The following HCN1 variants were observed in gnomAD, a reference collection of about 807,000 sequenced individuals.
HCN1 encodes the protein hyperpolarization activated cyclic nucleotide gated potassium channel 1.
Under a neutral mutation model 78.9 loss-of-function variants are expected in HCN1, and 13 were observed. The ratio of observed to expected loss-of-function variants is 0.16; its 90% CI spans 0.11 to 0.26. The LOEUF (loss-of-function observed/expected upper bound fraction) is 0.26. Among genes scored for constraint, HCN1 ranks in the 10% least tolerant of loss-of-function variants. The pLI, the probability that HCN1 is intolerant of heterozygous loss-of-function variation, is 1.00. For synonymous variants in HCN1, 552 were observed against 455.5 expected (o/e 1.21, Z -2.70); for missense variants, 810 against 1,154.3 (o/e 0.70, Z 4.32).
chr5:45,267,323 C>A, intron 6 of HCN1, 70 bp from the exon 7 acceptor site: 1 of 1,428,450 alleles, frequency 7.0e-7, no homozygotes, highest in African/African-American at 1.4e-5. Context: ...TAAGGCTTCC[C>A]ACAACTTAAA....
intron 3 of HCN1, among the ~76,000 whole-genome samples, chr5:45,410,547 TAA>T (rs1176528763): frequency 2.6e-5 from 4 of 152,216 alleles, no homozygotes; most frequent in African/African-American, 9.6e-5. Context: ...AAAGTATTTT[TAA>T]AAGTCATATT....
intron 6 of HCN1, among the ~76,000 whole-genome samples, chr5:45,269,487 A>G (rs914434207): frequency 4.6e-5 from 7 of 151,972 alleles, no homozygotes; most frequent in Non-Finnish European, 8.8e-5. Context: ...TTGGTAATCT[A>G]TTGATGTCCA....
At chr5:45,290,069 C>T (rs1462412876) in intron 6 of HCN1, among the ~76,000 whole-genome samples, 1 of 151,906 alleles carries the variant, frequency 6.6e-6, no homozygotes, top group Admixed American at 6.6e-5. Context: ...TTTTCCTGCA[C>T]TGTTCTTGTG....
At chr5:45,651,070 T>C (rs1426799183) in intron 1 of HCN1, among the ~76,000 whole-genome samples, 1 of 152,028 alleles carries the variant, frequency 6.6e-6, no homozygotes, top group Non-Finnish European at 1.5e-5. Flanking sequence ...AAATAAATAT[T>C]TGTCATTGAG....
At chr5:45,424,719 T>C (rs1740310798) in intron 3 of HCN1, among the ~76,000 whole-genome samples, 2 of 152,214 alleles carry the variant, frequency 1.3e-5, no homozygotes. Flanking sequence ...GTTGAAAATG[T>C]ATCTAGAATA....
chr5:45,663,130 C>G (rs902488027), intron 1 of HCN1, among the ~76,000 whole-genome samples: 1 of 146,980 alleles, frequency 6.8e-6, no homozygotes, highest in Admixed American at 6.8e-5. Flanking sequence ...TGGAACAGAA[C>G]AGAGCCCTCA....
chr5:45,645,134 T>G (rs1745524989), intron 2 of HCN1, 51 bp downstream of exon 2: 1 of 1,362,470 alleles, frequency 7.3e-7, no homozygotes, highest in Middle Eastern at 1.9e-4. Context: ...AAAACAGCCA[T>G]AATTAACAAT....
rs1444540329 is a variant in HCN1 at position 45,645,446 on chromosome 5, A to G, written c.588T>C (p.Thr196=). 3.1e-6 allele frequency: 5 copies of G among 1,613,630 alleles called. No homozygotes were observed. Among genetic ancestry groups the G allele is most frequent in the Non-Finnish European group, 4.2e-6 (5 of 1,179,768 alleles). Reference sequence around the variant, plus strand: ...CAGAACTGTCTTCATTGACAGTCCCAGTCCTAAAATTCATGATCAGGTCCA... The same window carrying G: ...CAGAACTGTCTTCATTGACAGTCCCGGTCCTAAAATTCATGATCAGGTCCA... ...FLLDLIMNFR[T]GTVNEDSSEI... is the part of the protein sequence containing the mutation. Residue 196 remains threonine, a synonymous_variant, in exon 2 of 8, where the codon ACT becomes ACC. Transcript: ENST00000303230.
At chr5:45,291,664 C>T (rs1223403984) in intron 6 of HCN1, among the ~76,000 whole-genome samples, 1 of 151,922 alleles carries the variant, frequency 6.6e-6, no homozygotes, top group Non-Finnish European at 1.5e-5. Flanking sequence ...TTCAGGCCCC[C>T]CAAGTAGTTG....
At chr5:45,264,327 A>G (rs940407367) in intron 7 of HCN1, among the ~76,000 whole-genome samples, 1 of 152,174 alleles carries the variant, frequency 6.6e-6, no homozygotes, top group Non-Finnish European at 1.5e-5. Flanking sequence ...TGGCATAATA[A>G]TTATTAGAAT....
chr5:45,666,464 C>T (rs765032407), intron 1 of HCN1, among the ~76,000 whole-genome samples: 68 of 152,050 alleles, frequency 4.5e-4, no homozygotes, highest in Non-Finnish European at 8.5e-4. Context: ...TAAAGAAAGG[C>T]CACAACCACA....
intron 5 of HCN1, among the ~76,000 whole-genome samples, chr5:45,322,288 G>C (rs1746140587): frequency 6.6e-6 from 1 of 151,894 alleles, no homozygotes; most frequent in South Asian, 2.1e-4. Flanking sequence ...TACTGTGTTT[G>C]TGTGTTATGT....
chr5:45,325,289 T>C (rs2111942832), intron 5 of HCN1, among the ~76,000 whole-genome samples: 1 of 151,768 alleles, frequency 6.6e-6, no homozygotes, highest in South Asian at 2.1e-4. Context: ...TAACTCAAAA[T>C]CTCTGTCATT....
chr5:45,564,284 G>A (rs1323803613), intron 2 of HCN1, among the ~76,000 whole-genome samples: 15 of 149,162 alleles, frequency 1.0e-4, no homozygotes, highest in Admixed American at 6.7e-4. Flanking sequence ...TTTTTGAGAC[G>A]GAGTCTTGCT....
At chr5:45,517,305 T>G (rs1742532128) in intron 2 of HCN1, among the ~76,000 whole-genome samples, 1 of 151,912 alleles carries the variant, frequency 6.6e-6, no homozygotes, top group African/African-American at 2.4e-5. Context: ...TTTTTACTTC[T>G]TTATTAATAA....
At chr5:45,375,216 A>T (rs1251956812) in intron 4 of HCN1, among the ~76,000 whole-genome samples, 2 of 116,970 alleles carry the variant, frequency 1.7e-5, no homozygotes, top group Non-Finnish European at 3.3e-5. Flanking sequence ...TATAATATAT[A>T]ATATAATATT....
chr5:45,552,068 G>A (rs1049791258), intron 2 of HCN1, among the ~76,000 whole-genome samples: 2 of 151,844 alleles, frequency 1.3e-5, no homozygotes, highest in Non-Finnish European at 2.9e-5. Flanking sequence ...TATTCTTTGA[G>A]AGAAATTCAT....
chr5:45,403,037 G>T (rs1739855707), intron 3 of HCN1, among the ~76,000 whole-genome samples: 1 of 152,010 alleles, frequency 6.6e-6, no homozygotes, highest in Non-Finnish European at 1.5e-5. Context: ...GAGACTACAG[G>T]CATAAGCCAC....
chr5:45,374,478 T>G (rs932890254), intron 4 of HCN1, among the ~76,000 whole-genome samples: 1 of 149,444 alleles, frequency 6.7e-6, no homozygotes, highest in African/African-American at 2.5e-5. Flanking sequence ...TACAGACCAA[T>G]AATGAGTTTC....
Sources: allele counts gnomAD v4.1 joint callset (sites outside exome capture counted in the v4.1 genomes callset), GRCh38; gene constraint gnomAD v4.1.1; transcripts MANE v1.5; gene names NCBI Gene and HGNC (gene_info 2026-07-23, HGNC 2026-07-21).